TTC27: variants seen among roughly 807,000 people sequenced by gnomAD.
TTC27 encodes tetratricopeptide repeat domain 27.
In TTC27, 79 loss-of-function variants were observed where a neutral mutation model predicts 115.9. The ratio of observed to expected loss-of-function variants is 0.68; its 90% CI spans 0.57 to 0.82. The LOEUF is 0.82. Ranked by LOEUF, TTC27 falls within the 40% of genes least tolerant of loss-of-function variation. The probability of loss-of-function intolerance (pLI) is 0.00; values close to 1 mark genes in which losing one functional copy is unlikely to be tolerated. For missense variants in TTC27, 1,054 were observed against 993.1 expected, an observed-to-expected ratio of 1.06 and a Z score of -0.82; for synonymous variants, 401 against 356.0, an observed-to-expected ratio of 1.13 and a Z score of -1.42.
chr2:32,628,278 G>T lies in TTC27; in HGVS notation c.-15G>T. ...CTCGTGGGAGCCTGTTTTGGCTGCA[G>T]CGGTGTCTGGGGTGATGTGGACCCC... On this transcript the variant is annotated 5_prime_UTR_variant, in exon 1 of 20. Transcript: ENST00000317907. 1.9e-6 allele frequency: 3 copies of T among 1,598,770 alleles called. No individual in the cohort carries two copies. Among genetic ancestry groups the T allele is most frequent in the Non-Finnish European group, 2.6e-6 (3 of 1,174,490 alleles).
chr2:32,748,934 C>T (rs1033648189), intron 12 of TTC27, among the ~76,000 whole-genome samples: 4 of 152,056 alleles, frequency 2.6e-5, no homozygotes, highest in South Asian at 2.1e-4. Context: ...GAGATCTGCC[C>T]GCCTCAGCTT....
chr2:32,722,424 TTAAC>T, intron 10 of TTC27, among the ~76,000 whole-genome samples: 1 of 152,356 alleles, frequency 6.6e-6, no homozygotes, highest in East Asian at 1.9e-4. Context: ...TGCCATTTAA[TTAAC>T]TGTGTATTGT....
At position 32,755,070 on chromosome 2, in the gene TTC27, C is replaced by G. The variant is rs184397656; in HGVS notation, c.1453-3222C>G. ...CTCCACACTTCTCAGACGGGGCGGC[C>G]GGGCAGAGACGCTCCTCACTTCCTA... On this transcript the variant is annotated intron_variant, in intron 12 of 19. Coordinates refer to ENST00000317907, the MANE Select transcript of TTC27 (RefSeq NM_017735.5). 5.3e-5 allele frequency among the ~76,000 whole-genome samples: 8 copies of G among 152,050 alleles called. No individual in the cohort carries two copies. In the South Asian group the frequency reaches 1.5e-3, roughly 28 times the overall value.
chr2:32,719,432 A>C (rs1038623715), intron 10 of TTC27, among the ~76,000 whole-genome samples: 3 of 152,224 alleles, frequency 2.0e-5, no homozygotes, highest in Admixed American at 2.0e-4. Context: ...TTAGCTCTGC[A>C]TCAAATATAT....
chr2:32,775,744 A>G (rs1276663616), intron 13 of TTC27, among the ~76,000 whole-genome samples: 1 of 152,192 alleles, frequency 6.6e-6, no homozygotes, highest in Non-Finnish European at 1.5e-5. Flanking sequence ...GTTGCCAATA[A>G]AACTGATAAG....
chr2:32,756,312 C>T (rs7606648), intron 12 of TTC27, among the ~76,000 whole-genome samples: 19,046 of 152,216 alleles, frequency 0.13, 1,455 homozygotes, highest in Middle Eastern at 0.22. Context: ...AATTCTGCTG[C>T]GGCTACAGTT....
intron 9 of TTC27, among the ~76,000 whole-genome samples, chr2:32,681,290 C>G (rs1355287479): frequency 6.6e-6 from 1 of 152,090 alleles, no homozygotes; most frequent in Non-Finnish European, 1.5e-5. Flanking sequence ...CACTGTCTCC[C>G]CGACATTTTT....
At chr2:32,706,545 A>G (rs1667374322) in intron 10 of TTC27, among the ~76,000 whole-genome samples, 1 of 152,086 alleles carries the variant, frequency 6.6e-6, no homozygotes, top group African/African-American at 2.4e-5. Flanking sequence ...TAGAACCTCA[A>G]TATCCATTCT....
At chr2:32,717,547 T>G (rs1667794965) in intron 10 of TTC27, among the ~76,000 whole-genome samples, 1 of 151,738 alleles carries the variant, frequency 6.6e-6, no homozygotes, top group Non-Finnish European at 1.5e-5. Flanking sequence ...CTTTCTTGTT[T>G]CCTTTTTTTT....
intron 16 of TTC27, among the ~76,000 whole-genome samples, chr2:32,791,064 G>T (rs1478175453): frequency 6.6e-6 from 1 of 152,006 alleles, no homozygotes; most frequent in Non-Finnish European, 1.5e-5. Flanking sequence ...TTCTATAATA[G>T]CACTTATTTG....
intron 5 of TTC27, among the ~76,000 whole-genome samples, chr2:32,654,009 C>T (rs988396389): frequency 6.6e-6 from 1 of 152,176 alleles, no homozygotes; most frequent in Non-Finnish European, 1.5e-5. Flanking sequence ...CCAGTTCTTC[C>T]CCAAGGGTCC....
At position 32,821,015 on chromosome 2, in the gene TTC27, A is replaced by T; in HGVS notation, c.*77A>T. 1 of 1,275,574 alleles carries T rather than the reference A, an allele frequency of 7.8e-7. No individual in the cohort carries two copies. Among genetic ancestry groups the T allele is most frequent in the African/African-American group, 1.5e-5 (1 of 65,546 alleles). The allele number at this position is 1,275,574 out of a possible 1,614,324, so 79.0% of individuals were successfully genotyped here. A position where few individuals can be genotyped will look rare whatever the true frequency, so the allele number is the denominator to read the frequency against. ...TACATCTGTATATCTGAAATGCAAG[A>T]TATTGATTTTTAAAATAAATTTGTT... On this transcript the variant is annotated 3_prime_UTR_variant, in exon 20 of 20. Coordinates refer to ENST00000317907, the MANE Select transcript of TTC27 (RefSeq NM_017735.5).
intron 16 of TTC27, among the ~76,000 whole-genome samples, chr2:32,792,084 T>C (rs774144056): frequency 1.3e-5 from 2 of 152,204 alleles, no homozygotes; most frequent in Non-Finnish European, 2.9e-5. Flanking sequence ...ACAGTTTAGT[T>C]TTGCTTTTTC....
At chr2:32,706,270 A>G (rs1667366044) in intron 10 of TTC27, among the ~76,000 whole-genome samples, 2 of 151,050 alleles carry the variant, frequency 1.3e-5, no homozygotes, top group South Asian at 4.2e-4. Context: ...TTTAGTAGAG[A>G]CGGGGTTTCA....
At chr2:32,724,639 T>A (rs1668047095) in intron 10 of TTC27, among the ~76,000 whole-genome samples, 1 of 152,230 alleles carries the variant, frequency 6.6e-6, no homozygotes, top group African/African-American at 2.4e-5. Flanking sequence ...CTTGCTAAAG[T>A]ACAATGGTTG....
chr2:32,778,652 G>T (rs545302885), intron 14 of TTC27, among the ~76,000 whole-genome samples: 46 of 152,238 alleles, frequency 3.0e-4, no homozygotes, highest in African/African-American at 1.1e-3. Flanking sequence ...TTCATGCATG[G>T]TTATAGCATG....
intron 12 of TTC27, among the ~76,000 whole-genome samples, chr2:32,756,158 G>A (rs1669225969): frequency 2.0e-5 from 3 of 152,208 alleles, no homozygotes; most frequent in Non-Finnish European, 1.5e-5. Context: ...GACCACTACA[G>A]TACGCTGTAA....
rs12988468 is a variant in TTC27 at position 32,664,509 on chromosome 2, A to G, written c.805+42A>G. 88,013 of 1,536,282 alleles carry G rather than the reference A, an allele frequency of 0.057. 2,909 individuals are homozygous for G. Among genetic ancestry groups the G allele is most frequent in the Non-Finnish European group, 0.07 (78,686 of 1,131,780 alleles). On this transcript the variant is annotated intron_variant, in intron 6 of 19. Coordinates refer to ENST00000317907, the MANE Select transcript of TTC27 (RefSeq NM_017735.5). ...GTGGATAATTGATTTTATTTTTATG[A>G]TAAAACTATATACATTGGCAGTTTG...
intron 9 of TTC27, among the ~76,000 whole-genome samples, chr2:32,691,760 A>C (rs1382831028): frequency 6.6e-6 from 1 of 151,966 alleles, no homozygotes; most frequent in Admixed American, 6.6e-5. Flanking sequence ...AACAGTCATA[A>C]AAATATTAAA....
Sources: gnomAD v4.1 joint callset for allele counts (sites outside exome capture counted in the v4.1 genomes callset) on GRCh38, gnomAD v4.1.1 for gene constraint, MANE v1.5 for transcripts, NCBI Gene and HGNC (gene_info 2026-07-23, HGNC 2026-07-21) for gene names.